BMP8B: variants seen among roughly 807,000 people sequenced by gnomAD.
BMP8B encodes the protein bone morphogenetic protein 8 (osteogenic protein 2).
Under a neutral mutation model 30.3 loss-of-function variants are expected in BMP8B, and 17 were observed. That is an observed-to-expected ratio of 0.56 (90% CI 0.38 to 0.84). BMP8B has a LOEUF of 0.84. Ranked by LOEUF, BMP8B falls within the 40% of genes least tolerant of loss-of-function variation. The pLI, the probability that BMP8B is intolerant of heterozygous loss-of-function variation, is 0.00. For missense variants in BMP8B, 253 were observed against 494.6 expected (o/e 0.51, Z 4.63); for synonymous variants, 131 against 214.7 (o/e 0.61, Z 3.41).
chr1:39,783,671 G>T (rs1569862960), intron 1 of BMP8B, among the ~76,000 whole-genome samples: 1 of 152,220 alleles, frequency 6.6e-6, no homozygotes, highest in African/African-American at 2.4e-5. Context: ...ACTTTGGGAG[G>T]CTGAGGCAGG....
intron 1 of BMP8B, among the ~76,000 whole-genome samples, chr1:39,783,109 C>T (rs1184137261): frequency 3.3e-5 from 5 of 152,082 alleles, no homozygotes; most frequent in Admixed American, 6.6e-5. Flanking sequence ...ACTGAGATGC[C>T]GAGACTTTAA....
intron 6 of BMP8B, 66 bp from the exon 7 acceptor site, chr1:39,760,634 C>CCCACCCCAGCT (rs1553126507): frequency 6.5e-7 from 1 of 1,546,562 alleles, no homozygotes; most frequent in African/African-American, 1.4e-5. Flanking sequence ...CCCACCCAGC[C>CCCACCCCAGCT]CCACCCCAGC....
In BMP8B at chr1:39,759,578, T is replaced by C. The variant is rs1648667902; in HGVS notation, c.*841A>G. The C allele has an allele frequency of 4.6e-5, 7 of 152,254 alleles. No individual in the cohort carries two copies. Among genetic ancestry groups the C allele is most frequent in the Admixed American group, 4.6e-4 (7 of 15,288 alleles). The allele number at this position is 152,254 out of a possible 1,614,324, so 9.4% of individuals were successfully genotyped here. The stretch of plus-strand genomic sequence containing the variant: ...AAATGATGGCATCTGTGCTGTGCAT[T>C]GTCATCCTGGGCCACCCAATGCAAC... On this transcript the variant is annotated 3_prime_UTR_variant, in exon 7 of 7. Transcript: ENST00000372827.
At chr1:39,760,620 A>G (rs945131427) in intron 6 of BMP8B, 52 bp from the exon 7 acceptor site, 1 of 1,583,614 alleles carries the variant, frequency 6.3e-7, no homozygotes, top group Non-Finnish European at 8.6e-7. Context: ...GCCTCCTCCA[A>G]GGACCCACCC....
In BMP8B at chr1:39,760,463, G is replaced by A. The variant is rs138043926; in HGVS notation, c.1165C>T (p.Arg389Cys). 7.7e-5 allele frequency: 125 copies of A among 1,614,172 alleles called. No individual in the cohort carries two copies. In the East Asian group the frequency reaches 1.3e-3, roughly 16 times the overall value. Residue 389 changes from arginine (R) to cysteine (C), a missense_variant, in exon 7 of 7, where the codon CGC (arginine) becomes TGC (cysteine). Physicochemically the swap from Arg to Cys is radical, Grantham distance 180 (BLOSUM62 -3). Transcript: ENST00000372827. Reference sequence around the variant, plus strand: ...TTGACCACCATGTTGCGGTGCTTGCGCAGGATGACATTGTTGCTGCTGTCA... The same window carrying A: ...TTGACCACCATGTTGCGGTGCTTGCACAGGATGACATTGTTGCTGCTGTCA... ...YYDSSNNVIL[R>C]KHRNMVVKAC... is the part of the protein sequence containing the mutation.
intron 6 of BMP8B, chr1:39,762,743 A>T: frequency 7.2e-6 from 10 of 1,395,790 alleles, no homozygotes; most frequent in Non-Finnish European, 9.5e-6. Context: ...GTGTGCTAAG[A>T]TCACACAGCC....
intron 6 of BMP8B, among the ~76,000 whole-genome samples, chr1:39,760,815 C>T (rs568173542): frequency 6.6e-4 from 100 of 152,264 alleles, no homozygotes; most frequent in African/African-American, 2.2e-3. Flanking sequence ...GTGGGCAAGG[C>T]GCTAATGAGG....
chr1:39,782,157 A>G (rs1569858594), intron 1 of BMP8B, among the ~76,000 whole-genome samples: 1 of 151,318 alleles, frequency 6.6e-6, no homozygotes, highest in East Asian at 1.9e-4. Flanking sequence ...ATCTCAAAAA[A>G]AAAAAAAACA....
intron 1 of BMP8B, among the ~76,000 whole-genome samples, chr1:39,783,518 T>C (rs144014427): frequency 2.0e-5 from 3 of 152,298 alleles, no homozygotes; most frequent in East Asian, 1.9e-4. Flanking sequence ...GTCACCCTAA[T>C]AGTTGACTTT....
chr1:39,779,713 ACT>A (rs1650493286), intron 1 of BMP8B, among the ~76,000 whole-genome samples: 1 of 152,222 alleles, frequency 6.6e-6, no homozygotes, highest in Admixed American at 6.5e-5. Flanking sequence ...GCCAGGTCAC[ACT>A]TTTTAAGCAC....
chr1:39,769,993 G>A (rs1569818323), intron 3 of BMP8B: 4 of 1,511,626 alleles, frequency 2.6e-6, no homozygotes, highest in East Asian at 2.5e-5. Flanking sequence ...CCATGGCACC[G>A]CCCATGCCTT....
intron 3 of BMP8B, among the ~76,000 whole-genome samples, chr1:39,768,785 C>T (rs2124450716): frequency 6.6e-6 from 1 of 150,508 alleles, no homozygotes; most frequent in African/African-American, 2.4e-5. Flanking sequence ...TGCTTGAACC[C>T]AGGAAGCAGG....
chr1:39,769,956 C>A (rs1281234369), intron 3 of BMP8B: 1 of 1,564,544 alleles, frequency 6.4e-7, no homozygotes, highest in Admixed American at 1.9e-5. Flanking sequence ...GTGACCACCA[C>A]TCTGGTCTTC....
intron 1 of BMP8B, among the ~76,000 whole-genome samples, chr1:39,779,242 A>T (rs540189212): frequency 6.6e-6 from 1 of 152,214 alleles, no homozygotes; most frequent in Non-Finnish European, 1.5e-5. Flanking sequence ...CCAGGGAGCT[A>T]TGGCACCCAT....
chr1:39,780,075 G>A (rs892266649), intron 1 of BMP8B, among the ~76,000 whole-genome samples: 15 of 152,164 alleles, frequency 9.9e-5, no homozygotes, highest in African/African-American at 3.4e-4. Context: ...CCAGAACGAG[G>A]CATCCGAGAG....
chr1:39,771,379 CAGGCGCAGGCTCTAGGCT>C, intron 3 of BMP8B: 1 of 833,970 alleles, frequency 1.2e-6, no homozygotes. Flanking sequence ...TCTCCCCGGC[CAGGCGCAGGCTCTAGGCT>C]AGGCCCGCGA....
intron 1 of BMP8B, among the ~76,000 whole-genome samples, chr1:39,783,074 T>A (rs1207671976): frequency 6.6e-6 from 1 of 152,190 alleles, no homozygotes; most frequent in African/African-American, 2.4e-5. Context: ...ACAGGCATTA[T>A]TATCCCAGTT....
Position 39,763,199 on chromosome 1 carries a change from A to C in BMP8B, c.952T>G (p.Trp318Gly), listed in dbSNP as rs1649259804. The C allele has an allele frequency of 3.1e-6, 5 of 1,611,372 alleles. No individual in the cohort carries two copies. In the Middle Eastern group the frequency reaches 5.4e-4, roughly 172 times the overall value. The change falls in exon 6 of 7, where the codon TGG becomes GGG. Residue 318 changes from tryptophan (W) to glycine (G), a missense_variant. By Grantham distance (184) the Trp-to-Gly change is radical. Coordinates refer to ENST00000372827, the MANE Select transcript of BMP8B (RefSeq NM_001720.5). ...VSFQDLGWLD[W>G]VIAPQGYSAY... The stretch of plus-strand genomic sequence containing the variant: ...GAGTAGCCTTGGGGAGCGATGACCC[A>C]GTCCTGGGGGGCAAGGGAGAAGGTG...
intron 4 of BMP8B, chr1:39,764,029 C>T (rs1649402952): frequency 3.8e-6 from 2 of 526,714 alleles, no homozygotes; most frequent in Non-Finnish European, 3.4e-6. Flanking sequence ...CCCTGTCCTT[C>T]AGCCTATGAG....
Sources: allele counts gnomAD v4.1 joint callset (sites outside exome capture counted in the v4.1 genomes callset), GRCh38; gene constraint gnomAD v4.1.1; transcripts MANE v1.5; gene names NCBI Gene and HGNC (gene_info 2026-07-23, HGNC 2026-07-21).